Variants in XPO6 observed in about 807,000 individuals in gnomAD.
XPO6 encodes exportin-6.
Under a neutral mutation model 130.0 loss-of-function variants are expected in XPO6, and 3 were observed. The observed-to-expected ratio is 0.02, with a 90% CI of 0.01 to 0.06. The LOEUF (loss-of-function observed/expected upper bound fraction) is 0.06. XPO6 is among the 10% of genes least tolerant of loss of function. The probability of loss-of-function intolerance (pLI) is 1.00; values close to 1 mark genes in which losing one functional copy is unlikely to be tolerated. For synonymous variants in XPO6, 524 were observed against 548.9 expected (o/e 0.95, Z 0.63); for missense variants, 970 against 1,393.0 (o/e 0.70, Z 4.83).
chr16:28,152,853 C>A, intron 7 of XPO6, 68 bp from the exon 8 acceptor site: 1 of 1,570,538 alleles, frequency 6.4e-7, no homozygotes, highest in Non-Finnish European at 8.6e-7. Flanking sequence ...AAATTCAATC[C>A]AAAGTTCTTT....
chr16:28,131,656 A>T (rs1055335636), intron 12 of XPO6, among the ~76,000 whole-genome samples: 5 of 152,220 alleles, frequency 3.3e-5, no homozygotes, highest in Admixed American at 6.5e-5. Context: ...ACATCTCTGA[A>T]CATCAATTTC....
chr16:28,125,924 A>C, intron 12 of XPO6, 76 bp from the exon 13 acceptor site: 1 of 1,536,540 alleles, frequency 6.5e-7, no homozygotes, highest in Non-Finnish European at 8.8e-7. Flanking sequence ...CTGGTCCAGC[A>C]AGCCACACAC....
At chr16:28,199,704 T>C (rs1165755236) in intron 1 of XPO6, among the ~76,000 whole-genome samples, 3 of 151,892 alleles carry the variant, frequency 2.0e-5, no homozygotes, top group Admixed American at 1.3e-4. Context: ...GTAGCTGGGA[T>C]TACAGGCACC....
At chr16:28,161,465 G>GGACT (rs2043277148) in intron 6 of XPO6, among the ~76,000 whole-genome samples, 1 of 151,902 alleles carries the variant, frequency 6.6e-6, no homozygotes, top group Non-Finnish European at 1.5e-5. Context: ...TCTTAAAAGT[G>GGACT]GACTTATCAA....
chr16:28,188,459 T>C (rs988085806), intron 1 of XPO6, among the ~76,000 whole-genome samples: 2 of 152,090 alleles, frequency 1.3e-5, no homozygotes, highest in African/African-American at 4.8e-5. Flanking sequence ...ATTACCCTAT[T>C]TGCTGTATAT....
chr16:28,155,810 A>G, intron 7 of XPO6: 1 of 753,078 alleles, frequency 1.3e-6, no homozygotes, highest in Non-Finnish European at 1.8e-6. Context: ...CAAGAGGAGT[A>G]GAAGGGAGGA....
intron 4 of XPO6, among the ~76,000 whole-genome samples, 199 bp downstream of exon 4, chr16:28,175,699 T>C (rs748512339): frequency 6.6e-6 from 1 of 152,142 alleles, no homozygotes; most frequent in Non-Finnish European, 1.5e-5. Flanking sequence ...GAGATTAAGT[T>C]TTTCTCCCCC....
At chr16:28,165,170 T>C (rs2043337396) in intron 6 of XPO6, 2 of 152,190 alleles carry the variant, frequency 1.3e-5, no homozygotes, top group Non-Finnish European at 2.9e-5. Flanking sequence ...TGAATTGTGA[T>C]CACACCACTG....
intron 15 of XPO6, 131 bp from the exon 16 acceptor site, chr16:28,113,181 A>G: frequency 8.4e-7 from 1 of 1,192,682 alleles, no homozygotes; most frequent in Non-Finnish European, 1.1e-6. Context: ...TATCTAGCTC[A>G]AGAATTTTTC....
intron 20 of XPO6, 121 bp from the exon 21 acceptor site, chr16:28,104,828 C>T: frequency 1.8e-6 from 2 of 1,118,132 alleles, no homozygotes; most frequent in Non-Finnish European, 2.5e-6. Flanking sequence ...ACACTCCATC[C>T]ACATGCCTGT....
At chr16:28,125,154 C>T (rs1197278001) in intron 13 of XPO6, among the ~76,000 whole-genome samples, 1 of 152,174 alleles carries the variant, frequency 6.6e-6, no homozygotes, top group Non-Finnish European at 1.5e-5. Context: ...AACCACCTTT[C>T]GGGCCAGGCG....
intron 4 of XPO6, among the ~76,000 whole-genome samples, chr16:28,171,537 A>AG (rs67715150): frequency 0.026 from 3,951 of 152,130 alleles, 133 homozygotes; most frequent in African/African-American, 0.083. Flanking sequence ...ATCACAAAGC[A>AG]AGGAAAAGCT....
At chr16:28,170,657 A>G (rs2043434613) in intron 4 of XPO6, among the ~76,000 whole-genome samples, 1 of 152,224 alleles carries the variant, frequency 6.6e-6, no homozygotes, top group Admixed American at 6.5e-5. Flanking sequence ...TTACACTTCT[A>G]AACTTTGCAT....
chr16:28,195,181 A>G (rs774692246), intron 1 of XPO6, among the ~76,000 whole-genome samples: 6 of 152,042 alleles, frequency 3.9e-5, no homozygotes, highest in Non-Finnish European at 7.3e-5. Flanking sequence ...AATATTTATC[A>G]AATTTCAAAC....
intron 5 of XPO6, among the ~76,000 whole-genome samples, chr16:28,169,313 A>C (rs2043412799): frequency 6.6e-6 from 1 of 152,178 alleles, no homozygotes; most frequent in South Asian, 2.1e-4. Flanking sequence ...ATACAACTAC[A>C]ACCTAGTGCA....
rs905830295 is a variant in XPO6 at position 28,098,094 on chromosome 16, A to C, written c.*444T>G. 6.3e-5 allele frequency: 10 copies of C among 157,806 alleles called. No homozygotes were observed. The highest frequency in any genetic ancestry group is 2.4e-4 in the African/African-American group (10 of 41,816). The allele number at this position is 157,806 out of a possible 1,614,324, so 9.8% of individuals were successfully genotyped here. On this transcript the variant is annotated 3_prime_UTR_variant, in exon 24 of 24. Coordinates refer to ENST00000304658, the MANE Select transcript of XPO6 (RefSeq NM_015171.4). ...GTGAGTCTTTGCAAATCTCTGACAA[A>C]GAGCAGAGATCTCAAGGCAATTGGG...
At chr16:28,195,405 A>G (rs535175021) in intron 1 of XPO6, among the ~76,000 whole-genome samples, 1 of 152,308 alleles carries the variant, frequency 6.6e-6, no homozygotes, top group Non-Finnish European at 1.5e-5. Context: ...ATATATGTAT[A>G]TGGAACCATG....
chr16:28,124,266 T>A (rs2087333303), intron 13 of XPO6, among the ~76,000 whole-genome samples: 1 of 152,070 alleles, frequency 6.6e-6, no homozygotes, highest in Admixed American at 6.6e-5. Flanking sequence ...TCATATTGGT[T>A]AGGCTGGTCT....
At chr16:28,099,511 G>A (rs745668555) in intron 23 of XPO6, among the ~76,000 whole-genome samples, 2 of 152,256 alleles carry the variant, frequency 1.3e-5, no homozygotes, top group African/African-American at 4.8e-5. Context: ...TGCTTCTGGG[G>A]AGTGTGTGCA....
Sources: allele counts gnomAD v4.1 joint callset (sites outside exome capture counted in the v4.1 genomes callset), GRCh38; gene constraint gnomAD v4.1.1; transcripts MANE v1.5; gene names NCBI Gene and HGNC (gene_info 2026-07-23, HGNC 2026-07-21).